PTPRK: variants seen among roughly 807,000 people sequenced by gnomAD.
PTPRK encodes the protein receptor-type tyrosine-protein phosphatase kappa.
In PTPRK, 75 loss-of-function variants were observed where a neutral mutation model predicts 178.0. The ratio of observed to expected loss-of-function variants is 0.42; its 90% CI spans 0.35 to 0.51. PTPRK has a LOEUF of 0.51. Among genes scored for constraint, PTPRK ranks in the 20% least tolerant of loss-of-function variants. The pLI is 0.02. For missense variants in PTPRK, 1,441 were observed against 1,797.8 expected (o/e 0.80, Z 3.59); for synonymous variants, 637 against 620.6 (o/e 1.03, Z -0.39).
chr6:128,458,760 A>C (rs529176161), intron 1 of PTPRK, among the ~76,000 whole-genome samples: 1 of 152,230 alleles, frequency 6.6e-6, no homozygotes, highest in South Asian at 2.1e-4. Context: ...TAGAGGAATA[A>C]AAAAGAAACC....
intron 3 of PTPRK, among the ~76,000 whole-genome samples, chr6:128,260,284 GT>G (rs1325034803): frequency 6.6e-6 from 1 of 152,106 alleles, no homozygotes; most frequent in African/African-American, 2.4e-5. Context: ...ATCTGAAGAA[GT>G]TTGTTTTGAT....
chr6:127,997,749 T>C (rs1272501131), intron 16 of PTPRK, among the ~76,000 whole-genome samples: 2 of 152,088 alleles, frequency 1.3e-5, no homozygotes, highest in African/African-American at 4.8e-5. Flanking sequence ...CTTGTACTTA[T>C]TTTGTTACCA....
chr6:128,366,379 CTGT>C (rs1186766089), intron 2 of PTPRK, among the ~76,000 whole-genome samples: 3 of 152,124 alleles, frequency 2.0e-5, no homozygotes, highest in Non-Finnish European at 2.9e-5. Context: ...CACATCTCTT[CTGT>C]TGTTGTATGT....
chr6:128,375,137 G>T (rs1836871722), intron 2 of PTPRK, among the ~76,000 whole-genome samples: 1 of 147,564 alleles, frequency 6.8e-6, no homozygotes, highest in South Asian at 2.1e-4. Flanking sequence ...AGCTTCTCTG[G>T]GGCAAAGAAT....
At chr6:128,413,709 A>G (rs1480603341) in intron 1 of PTPRK, among the ~76,000 whole-genome samples, 3 of 152,238 alleles carry the variant, frequency 2.0e-5, no homozygotes, top group Admixed American at 6.5e-5. Context: ...GACTTTAAGA[A>G]TCATTTAAGC....
At chr6:128,357,239 T>C (rs1166279583) in intron 2 of PTPRK, among the ~76,000 whole-genome samples, 1 of 152,218 alleles carries the variant, frequency 6.6e-6, no homozygotes, top group Non-Finnish European at 1.5e-5. Context: ...ATTATGCTTA[T>C]ATTAAATCAA....
At chr6:128,453,058 G>A (rs891698803) in intron 1 of PTPRK, among the ~76,000 whole-genome samples, 12 of 152,172 alleles carry the variant, frequency 7.9e-5, no homozygotes, top group African/African-American at 2.7e-4. Context: ...ATGAAGGTAT[G>A]TAAATAACAT....
chr6:128,509,854 T>C (rs1315512928), intron 1 of PTPRK, among the ~76,000 whole-genome samples: 1 of 152,064 alleles, frequency 6.6e-6, no homozygotes. Context: ...CTGAGGTAGG[T>C]TGCTGCCAGC....
intron 7 of PTPRK, among the ~76,000 whole-genome samples, chr6:128,148,737 C>A (rs1796846276): frequency 6.6e-6 from 1 of 152,012 alleles, no homozygotes; most frequent in Non-Finnish European, 1.5e-5. Flanking sequence ...TCATTTCTTA[C>A]CTTTGCAAAC....
intron 13 of PTPRK, among the ~76,000 whole-genome samples, chr6:128,023,458 G>A (rs1773827783): frequency 6.6e-6 from 1 of 152,060 alleles, no homozygotes; most frequent in Non-Finnish European, 1.5e-5. Flanking sequence ...TGGAGCTGGT[G>A]TTGCCTCCTT....
intron 13 of PTPRK, among the ~76,000 whole-genome samples, chr6:128,063,218 AT>A (rs992145076): frequency 6.6e-6 from 1 of 152,056 alleles, no homozygotes; most frequent in South Asian, 2.1e-4. Context: ...ATAATGGACT[AT>A]TTTTTACCAC....
chr6:128,260,584 GA>G (rs2128293221), intron 3 of PTPRK, among the ~76,000 whole-genome samples: 1 of 152,242 alleles, frequency 6.6e-6, no homozygotes, highest in Admixed American at 6.5e-5. Context: ...CTGGAGAAGC[GA>G]AACATGTTTC....
At chr6:128,133,409 G>T (rs896904019) in intron 7 of PTPRK, among the ~76,000 whole-genome samples, 1 of 151,996 alleles carries the variant, frequency 6.6e-6, no homozygotes, top group Non-Finnish European at 1.5e-5. Flanking sequence ...CATTTTTATG[G>T]ACAAAATTTT....
intron 2 of PTPRK, among the ~76,000 whole-genome samples, chr6:128,371,142 A>G (rs907769859): frequency 2.6e-5 from 4 of 152,142 alleles, no homozygotes; most frequent in African/African-American, 9.7e-5. Flanking sequence ...TCACCACCCA[A>G]TCAGCAAAAA....
intron 2 of PTPRK, among the ~76,000 whole-genome samples, chr6:128,328,404 A>G (rs1829848729): frequency 6.6e-6 from 1 of 152,214 alleles, no homozygotes; most frequent in Non-Finnish European, 1.5e-5. Flanking sequence ...ATGAGGAGAC[A>G]AAGACACTAG....
intron 1 of PTPRK, among the ~76,000 whole-genome samples, chr6:128,428,815 T>C (rs1348897651): frequency 6.6e-6 from 1 of 152,232 alleles, no homozygotes; most frequent in Non-Finnish European, 1.5e-5. Context: ...AGAGTACCCA[T>C]ACAGCCATCC....
intron 5 of PTPRK, among the ~76,000 whole-genome samples, chr6:128,231,552 T>C (rs1355127416): frequency 6.6e-6 from 1 of 152,168 alleles, no homozygotes; most frequent in East Asian, 1.9e-4. Context: ...GCACCAACAG[T>C]TTTCCCATAG....
At chr6:128,083,910 A>G (rs1254399689) in intron 8 of PTPRK, 86 bp from the exon 9 acceptor site, 1 of 569,554 alleles carries the variant, frequency 1.8e-6, no homozygotes, top group African/African-American at 2.0e-5. Context: ...AAACAGGATT[A>G]AAAATAAATA....
rs535423119 is a variant in PTPRK, at chr6:128,471,578, A to G, written c.100+48681T>C. On this transcript the variant is annotated intron_variant, in intron 1 of 29. Coordinates refer to ENST00000368226, the MANE Select transcript of PTPRK (RefSeq NM_002844.4). ...AATTACTGAAAAATTTAAATCAGAA[A>G]GGCATTCACTAGATACAAAACAACC... Among the ~76,000 whole-genome samples the G allele has an allele frequency of 7.4e-4, 108 of 146,068 alleles. 1 individual carries two copies. The highest frequency in any genetic ancestry group is 2.5e-3 in the African/African-American group (96 of 39,052).
Sources: gnomAD v4.1 joint callset for allele counts (sites outside exome capture counted in the v4.1 genomes callset) on GRCh38, gnomAD v4.1.1 for gene constraint, MANE v1.5 for transcripts, NCBI Gene and HGNC (gene_info 2026-07-23, HGNC 2026-07-21) for gene names.